The following SLC15A1 variants were observed in gnomAD, a reference collection of about 807,000 sequenced individuals.
SLC15A1 encodes the protein Caco-2 oligopeptide transporter.
Under a neutral mutation model 92.9 loss-of-function variants are expected in SLC15A1, and 83 were observed. That is an observed-to-expected ratio of 0.89 (90% confidence interval 0.75 to 1.07). The LOEUF (loss-of-function observed/expected upper bound fraction) is 1.07, where lower values mean the gene tolerates loss of function less well. Among genes scored for constraint, SLC15A1 ranks in the 50% least tolerant of loss-of-function variants. The pLI is 0.00. For synonymous variants in SLC15A1, 322 were observed against 318.2 expected (o/e 1.01, Z -0.13); for missense variants, 857 against 880.1 (o/e 0.97, Z 0.33).
At chr13:98,724,923 A>T (rs1236329190) in intron 4 of SLC15A1, among the ~76,000 whole-genome samples, 1 of 152,194 alleles carries the variant, frequency 6.6e-6, no homozygotes, top group East Asian at 1.9e-4. Flanking sequence ...TGTCTCCTGC[A>T]AACCTCAAGC....
At chr13:98,685,719 G>A (rs1413400594) in intron 22 of SLC15A1, among the ~76,000 whole-genome samples, 3 of 152,172 alleles carry the variant, frequency 2.0e-5, no homozygotes, top group Admixed American at 6.5e-5. Context: ...CAGGCCAGGT[G>A]CAGTGGCTCA....
chr13:98,709,362 G>C (rs974674546), intron 14 of SLC15A1, among the ~76,000 whole-genome samples: 2 of 152,304 alleles, frequency 1.3e-5, no homozygotes, highest in Non-Finnish European at 1.5e-5. Flanking sequence ...AGAAAGCCTT[G>C]ATTAAAGGCC....
chr13:98,711,872 C>T lies in SLC15A1; in HGVS notation c.882G>A (p.Trp294Ter), dbSNP rs767250419. Residue 294 changes from tryptophan (W) to a stop codon, truncating the protein, a stop_gained, in exon 11 of 23, where the codon TGG (tryptophan) becomes TGA (stop). Transcript: ENST00000376503. LOFTEE classifies it high-confidence loss of function. ...ACATTACCTGCTGGTCAAACAAGGC[C>T]CAGAACATTGGGAGTGGAATATACA... is the stretch of plus-strand genomic sequence containing the variant. Reference protein sequence around the residue: ...MFLYIPLPMFWALFDQQGSRW... With the variant: ...MFLYIPLPMF 1.9e-6 allele frequency: 3 copies of T among 1,613,728 alleles called. No individual in the cohort carries two copies. The highest frequency in any genetic ancestry group is 2.5e-6 in the Non-Finnish European group (3 of 1,179,816).
intron 1 of SLC15A1, among the ~76,000 whole-genome samples, chr13:98,751,363 G>A (rs1438981926): frequency 2.6e-5 from 4 of 152,204 alleles, no homozygotes; most frequent in Non-Finnish European, 5.9e-5. Flanking sequence ...GATTGGATCT[G>A]CTGGAAATGC....
At chr13:98,726,915 T>A in intron 1 of SLC15A1, 56 bp from the exon 2 acceptor site, 1 of 1,581,362 alleles carries the variant, frequency 6.3e-7, no homozygotes. Context: ...TAGTTTTTGC[T>A]GTGTCTAAAC....
Position 98,708,675 on chromosome 13 carries a change from G to A in SLC15A1, c.1149+11C>T. The A allele has an allele frequency of 6.2e-7, 1 of 1,610,476 alleles. No individual in the cohort carries two copies. The highest frequency in any genetic ancestry group is 8.5e-7 in the Non-Finnish European group (1 of 1,177,882). On this transcript the variant is annotated intron_variant, in intron 15 of 22. Coordinates refer to ENST00000376503, the MANE Select transcript of SLC15A1 (RefSeq NM_005073.4). ...CAGGAAAGGACATGGGAGAACCAGG[G>A]GACAACTCACATCGATTTCCACCTG...
chr13:98,739,313 G>T (rs1379339508), intron 1 of SLC15A1, among the ~76,000 whole-genome samples: 13 of 152,204 alleles, frequency 8.5e-5, no homozygotes, highest in Non-Finnish European at 1.8e-4. Context: ...GGGAAGGCAT[G>T]CTTGTATTTT....
intron 1 of SLC15A1, among the ~76,000 whole-genome samples, chr13:98,728,074 C>T (rs1359836278): frequency 1.3e-5 from 2 of 152,214 alleles, no homozygotes; most frequent in Non-Finnish European, 1.5e-5. Context: ...CTGGTCCAGG[C>T]AGTGTGCTTT....
chr13:98,734,651 G>A (rs578001053), intron 1 of SLC15A1, among the ~76,000 whole-genome samples: 3 of 152,198 alleles, frequency 2.0e-5, no homozygotes, highest in South Asian at 2.1e-4. Flanking sequence ...ATGATAAAGG[G>A]TATATCACCA....
chr13:98,697,427 T>C (rs1243567269), intron 18 of SLC15A1, among the ~76,000 whole-genome samples: 1 of 151,352 alleles, frequency 6.6e-6, no homozygotes, highest in African/African-American at 2.4e-5. Flanking sequence ...ACTGACCTCA[T>C]GGAGAAGGAA....
rs745716198 is a variant in SLC15A1, at chr13:98,715,978, A to C, written c.641-18T>G. 1 of 1,609,542 alleles carries C rather than the reference A, an allele frequency of 6.2e-7. No homozygotes were observed. The highest frequency in any genetic ancestry group is 1.1e-5 in the South Asian group (1 of 90,950). The stretch of plus-strand genomic sequence containing the variant: ...AAACACAACTAGATAGGGCAGAAGA[A>C]GACATGTCAGCAAAGCATGTGACCG... On this transcript the variant is annotated intron_variant, in intron 8 of 22. Coordinates refer to ENST00000376503, the MANE Select transcript of SLC15A1 (RefSeq NM_005073.4).
chr13:98,726,762 A>T, intron 2 of SLC15A1, 81 bp downstream of exon 2: 1 of 1,320,836 alleles, frequency 7.6e-7, no homozygotes, highest in Non-Finnish European at 1.1e-6. Flanking sequence ...CAGATCTGTT[A>T]GGTGAATGAA....
Position 98,687,624 on chromosome 13 carries a change from T to G in SLC15A1, c.1784A>C (p.Glu595Ala). ...IPQYFLLTCG[E>A]VVFSVTGLEF... ...CAATCCCGTGACAGAGAAGACCACT[T>G]CGCCACAGGTGAGAAGAAAATACTG... Residue 595 changes from glutamate to alanine, a missense_variant, in exon 21 of 23, where the codon GAA becomes GCA. By Grantham distance (107) the Glu-to-Ala change is moderately radical. Transcript: ENST00000376503. 1.2e-6 allele frequency: 2 copies of G among 1,614,170 alleles called. No homozygotes were observed. Among genetic ancestry groups the G allele is most frequent in the Non-Finnish European group, 1.7e-6 (2 of 1,180,028 alleles).
intron 18 of SLC15A1, among the ~76,000 whole-genome samples, chr13:98,694,914 G>A (rs1488664285): frequency 6.7e-6 from 1 of 150,346 alleles, no homozygotes; most frequent in East Asian, 2.0e-4. Context: ...TGTAGTCCCA[G>A]CTACTCAGGA....
At chr13:98,704,709 GAAT>G (rs1347941876) in intron 16 of SLC15A1, among the ~76,000 whole-genome samples, 6 of 152,124 alleles carry the variant, frequency 3.9e-5, no homozygotes, top group Non-Finnish European at 7.4e-5. Flanking sequence ...AATACTATGA[GAAT>G]AATTTCTACT....
At chr13:98,714,669 A>AG (rs2088198237) in intron 9 of SLC15A1, among the ~76,000 whole-genome samples, 1 of 151,458 alleles carries the variant, frequency 6.6e-6, no homozygotes, top group African/African-American at 2.4e-5. Flanking sequence ...AAAAAAAAAA[A>AG]AAAGAAATGA....
At chr13:98,685,813 C>T (rs1182326838) in intron 22 of SLC15A1, among the ~76,000 whole-genome samples, 3 of 152,126 alleles carry the variant, frequency 2.0e-5, no homozygotes, top group Non-Finnish European at 2.9e-5. Flanking sequence ...TGGTGAAACA[C>T]TGTCTCTACT....
chr13:98,691,348 T>A lies in SLC15A1; in HGVS notation c.1467-2771A>T, dbSNP rs184046766. ...GCCATCACACCCGGCCACTTCATTCTTTTTTATGACTAACATTCCATCATA... is the reference window on the plus strand; with the variant it reads ...GCCATCACACCCGGCCACTTCATTCATTTTTATGACTAACATTCCATCATA... On this transcript the variant is annotated intron_variant, in intron 18 of 22. Coordinates refer to ENST00000376503, the MANE Select transcript of SLC15A1 (RefSeq NM_005073.4). Among the ~76,000 whole-genome samples, 10 of 152,362 alleles carry A rather than the reference T, an allele frequency of 6.6e-5. No homozygotes were observed. The East Asian group carries it at 1.9e-3, about 29-fold the overall frequency.
intron 11 of SLC15A1, among the ~76,000 whole-genome samples, 184 bp downstream of exon 11, chr13:98,711,665 GGTTTT>G (rs4001067): frequency 0.58 from 88,024 of 151,148 alleles, 26,282 homozygotes; most frequent in Admixed American, 0.62. Flanking sequence ...AATTGCTTTT[GGTTTT>G]GTTTTGTTTT....
Sources: gnomAD v4.1 joint callset for allele counts (sites outside exome capture counted in the v4.1 genomes callset) on GRCh38, gnomAD v4.1.1 for gene constraint, MANE v1.5 for transcripts, NCBI Gene and HGNC (gene_info 2026-07-23, HGNC 2026-07-21) for gene names.